PLCB1: variants seen among roughly 807,000 people sequenced by gnomAD.
The protein encoded by PLCB1 is phospholipase C beta 1.
In PLCB1, 46 loss-of-function variants were observed where a neutral mutation model predicts 161.8. The ratio of observed to expected loss-of-function variants is 0.28; its 90% CI spans 0.22 to 0.36. The LOEUF (loss-of-function observed/expected upper bound fraction) is 0.36. Among genes scored for constraint, PLCB1 ranks in the 10% least tolerant of loss-of-function variants. The probability of loss-of-function intolerance (pLI) is 1.00; values close to 1 mark genes in which losing one functional copy is unlikely to be tolerated. For missense variants in PLCB1, 1,016 were observed against 1,472.5 expected (o/e 0.69, Z 5.07); for synonymous variants, 517 against 503.7 (o/e 1.03, Z -0.35).
At chr20:8,869,645 C>A (rs904079875) in intron 31 of PLCB1, among the ~76,000 whole-genome samples, 1 of 152,152 alleles carries the variant, frequency 6.6e-6, no homozygotes, top group Non-Finnish European at 1.5e-5. Flanking sequence ...AACAATAATA[C>A]CAAATAACAG....
intron 2 of PLCB1, among the ~76,000 whole-genome samples, chr20:8,292,649 A>G (rs1289821504): frequency 6.6e-6 from 1 of 152,248 alleles, no homozygotes; most frequent in Admixed American, 6.5e-5. Flanking sequence ...AAATTTAAAG[A>G]ATCGGTTATG....
At chr20:8,464,377 C>G (rs1269811618) in intron 3 of PLCB1, among the ~76,000 whole-genome samples, 2 of 152,082 alleles carry the variant, frequency 1.3e-5, no homozygotes, top group Admixed American at 1.3e-4. Context: ...CCCATTCATT[C>G]TGTTTTCCTT....
intron 3 of PLCB1, among the ~76,000 whole-genome samples, chr20:8,563,579 T>A (rs1057256382): frequency 1.3e-5 from 2 of 152,116 alleles, no homozygotes; most frequent in Non-Finnish European, 2.9e-5. Flanking sequence ...GATGACATGA[T>A]TGTATATTTA....
At chr20:8,862,280 AC>A (rs1987283999) in intron 31 of PLCB1, among the ~76,000 whole-genome samples, 4 of 152,222 alleles carry the variant, frequency 2.6e-5, no homozygotes, top group Admixed American at 2.6e-4. Flanking sequence ...TAACAAAAAC[AC>A]CAGGACCAAC....
intron 10 of PLCB1, among the ~76,000 whole-genome samples, chr20:8,687,626 G>A (rs757836561): frequency 6.6e-5 from 10 of 152,062 alleles, no homozygotes; most frequent in South Asian, 6.2e-4. Context: ...TAGAAAAATC[G>A]TCTCTAATCT....
intron 2 of PLCB1, among the ~76,000 whole-genome samples, chr20:8,205,410 G>A (rs771742826): frequency 1.3e-5 from 2 of 152,130 alleles, no homozygotes; most frequent in Non-Finnish European, 2.9e-5. Flanking sequence ...GAAGAGAAAT[G>A]TATGATTAAA....
At chr20:8,296,900 G>A (rs1983655446) in intron 2 of PLCB1, among the ~76,000 whole-genome samples, 1 of 152,138 alleles carries the variant, frequency 6.6e-6, no homozygotes, top group Non-Finnish European at 1.5e-5. Flanking sequence ...CCATTTATAT[G>A]GAAGATGAGA....
intron 9 of PLCB1, among the ~76,000 whole-genome samples, chr20:8,669,426 A>G (rs1195349876): frequency 1.3e-5 from 2 of 152,216 alleles, no homozygotes; most frequent in Non-Finnish European, 2.9e-5. Flanking sequence ...TGGATGGTCC[A>G]GACATTTGAC....
chr20:8,237,762 C>T (rs1294359171), intron 2 of PLCB1, among the ~76,000 whole-genome samples: 4 of 152,022 alleles, frequency 2.6e-5, no homozygotes, highest in African/African-American at 7.2e-5. Context: ...TAATCAGGCA[C>T]CAACCATGGG....
intron 3 of PLCB1, among the ~76,000 whole-genome samples, chr20:8,397,504 A>G (rs982715137): frequency 3.3e-5 from 5 of 152,028 alleles, no homozygotes; most frequent in African/African-American, 1.2e-4. Flanking sequence ...TCTCATCCAT[A>G]TCCTTCCACC....
intron 3 of PLCB1, among the ~76,000 whole-genome samples, chr20:8,436,890 A>G (rs1455387579): frequency 1.3e-5 from 2 of 152,078 alleles, no homozygotes; most frequent in African/African-American, 2.4e-5. Flanking sequence ...CCCGGTTTCA[A>G]GTGATTCTCC....
chr20:8,787,662 T>C (rs753592045), intron 27 of PLCB1, among the ~76,000 whole-genome samples: 1 of 152,224 alleles, frequency 6.6e-6, no homozygotes, highest in African/African-American at 2.4e-5. Flanking sequence ...CAGGCACAAT[T>C]ACCTTTATGT....
In PLCB1 at chr20:8,735,643, T is replaced by C. The variant is rs544733419; in HGVS notation, c.2044-1385T>C. On this transcript the variant is annotated intron_variant, in intron 19 of 31. Coordinates refer to ENST00000338037, the MANE Select transcript of PLCB1 (RefSeq NM_015192.4). ...TCATGAATTTAGTTTAGGACTCTGC[T>C]TTGGTCAAACATCTTAAACATACAA... 2.6e-5 allele frequency among the ~76,000 whole-genome samples: 4 copies of C among 152,376 alleles called. No individual in the cohort carries two copies. In the South Asian group the frequency reaches 8.3e-4, roughly 32 times the overall value.
intron 7 of PLCB1, chr20:8,652,063 A>G (rs1989336535): frequency 6.6e-6 from 1 of 152,330 alleles, no homozygotes; most frequent in Non-Finnish European, 1.5e-5. Context: ...TAAATGTATG[A>G]ACCAATTCCC....
intron 3 of PLCB1, among the ~76,000 whole-genome samples, chr20:8,474,638 G>T (rs1982194672): frequency 6.6e-6 from 1 of 152,082 alleles, no homozygotes; most frequent in Non-Finnish European, 1.5e-5. Flanking sequence ...TCGATTTCAG[G>T]CTTGGCATTC....
At chr20:8,775,439 G>A (rs1982896365) in intron 27 of PLCB1, among the ~76,000 whole-genome samples, 1 of 152,136 alleles carries the variant, frequency 6.6e-6, no homozygotes, top group African/African-American at 2.4e-5. Flanking sequence ...TAGAAATTAA[G>A]GTAGTGTATC....
At chr20:8,141,453 G>A (rs570053689) in intron 1 of PLCB1, among the ~76,000 whole-genome samples, 48 of 151,990 alleles carry the variant, frequency 3.2e-4, no homozygotes, top group Admixed American at 9.8e-4. Flanking sequence ...ATGAAACCCC[G>A]TCTCTACTAG....
At chr20:8,299,184 T>C (rs935687616) in intron 2 of PLCB1, among the ~76,000 whole-genome samples, 1 of 152,176 alleles carries the variant, frequency 6.6e-6, no homozygotes, top group Non-Finnish European at 1.5e-5. Context: ...AGTGGCCCCA[T>C]GTCTTTCTGC....
intron 2 of PLCB1, among the ~76,000 whole-genome samples, chr20:8,244,008 G>C (rs1398010946): frequency 6.6e-6 from 1 of 151,784 alleles, no homozygotes; most frequent in Non-Finnish European, 1.5e-5. Flanking sequence ...GAATGTCATG[G>C]TGAAAATTAA....
Sources: allele counts gnomAD v4.1 joint callset (sites outside exome capture counted in the v4.1 genomes callset), GRCh38; gene constraint gnomAD v4.1.1; transcripts MANE v1.5; gene names NCBI Gene and HGNC (gene_info 2026-07-23, HGNC 2026-07-21).